Variants in RAB40C observed in about 807,000 individuals in gnomAD.
RAB40C encodes ras-related protein Rab-40C.
A neutral mutation model predicts 28.1 loss-of-function variants in RAB40C; 8 were observed. That is an observed-to-expected ratio of 0.28 (90% CI 0.17 to 0.51). The LOEUF (loss-of-function observed/expected upper bound fraction) is 0.51, where lower values mean the gene tolerates loss of function less well. RAB40C is among the 20% of genes least tolerant of loss of function. The probability of loss-of-function intolerance (pLI) is 0.97; values close to 1 mark genes in which losing one functional copy is unlikely to be tolerated. For missense variants in RAB40C, 288 were observed against 405.9 expected, an observed-to-expected ratio of 0.71 and a Z score of 2.50; for synonymous variants, 201 against 171.7, an observed-to-expected ratio of 1.17 and a Z score of -1.34.
chr16:602,187 C>T (rs925158509), intron 1 of RAB40C, among the ~76,000 whole-genome samples: 7 of 150,464 alleles, frequency 4.7e-5, no homozygotes, highest in South Asian at 2.1e-4. Context: ...TGCTTGATAT[C>T]TTAAGTATGT....
At chr16:590,636 G>C (rs1315859254) in intron 1 of RAB40C, among the ~76,000 whole-genome samples, 1 of 152,246 alleles carries the variant, frequency 6.6e-6, no homozygotes, top group Non-Finnish European at 1.5e-5. Flanking sequence ...CAGGAGGACG[G>C]ACCAGAGGGA....
At chr16:607,703 A>G (rs923402629) in intron 1 of RAB40C, among the ~76,000 whole-genome samples, 10 of 152,184 alleles carry the variant, frequency 6.6e-5, no homozygotes, top group Non-Finnish European at 1.3e-4. Flanking sequence ...AGGCAGGAGA[A>G]TGGCATGAAC....
intron 3 of RAB40C, 77 bp downstream of exon 3, chr16:618,337 C>T (rs769358797): frequency 6.1e-5 from 85 of 1,384,040 alleles, no homozygotes; most frequent in Non-Finnish European, 7.9e-5. Flanking sequence ...AGTTGTTGTC[C>T]TGTCAAACTC....
intron 1 of RAB40C, among the ~76,000 whole-genome samples, chr16:599,160 C>T (rs564485967): frequency 6.6e-6 from 1 of 152,362 alleles, no homozygotes; most frequent in East Asian, 1.9e-4. Context: ...TCCAGAAAGT[C>T]ACTGCTGCAG....
At chr16:599,141 G>A (rs1284768511) in intron 1 of RAB40C, among the ~76,000 whole-genome samples, 1 of 152,252 alleles carries the variant, frequency 6.6e-6, no homozygotes, top group East Asian at 1.9e-4. Flanking sequence ...CCGAGGTGCT[G>A]TGTTTCGGTC....
At position 601,346 on chromosome 16, in the gene RAB40C, C is replaced by CAT. The variant is rs778861706; in HGVS notation, c.142+10914_142+10915dup. Among the ~76,000 whole-genome samples the CAT allele has an allele frequency of 3.9e-5, 6 of 152,158 alleles. No homozygotes were observed. The East Asian group carries it at 1.2e-3, about 29-fold the overall frequency. ...TGTGTCCAGCCTGTTAGAGGTGTTA[C>CAT]ATTTGCCCTAGGTGGGCTGGGCAGA... is the stretch of plus-strand genomic sequence containing the variant. On this transcript the variant is annotated intron_variant, in intron 1 of 5. Transcript: ENST00000248139.
intron 3 of RAB40C, chr16:624,154 CA>C (rs2036778459): frequency 1.0e-6 from 1 of 985,346 alleles, no homozygotes; most frequent in East Asian, 1.1e-4. Context: ...CTGTGACACA[CA>C]TCCTCAGTTA....
intron 3 of RAB40C, among the ~76,000 whole-genome samples, chr16:621,457 T>C (rs1029011137): frequency 6.6e-6 from 1 of 152,214 alleles, no homozygotes; most frequent in African/African-American, 2.4e-5. Context: ...GCCTGGGTCT[T>C]GCAGATGGCA....
At chr16:622,793 G>A (rs1287413609) in intron 3 of RAB40C, among the ~76,000 whole-genome samples, 1 of 152,164 alleles carries the variant, frequency 6.6e-6, no homozygotes, top group Non-Finnish European at 1.5e-5. Flanking sequence ...CGTGAGCCAC[G>A]GCGCCTGGCC....
intron 1 of RAB40C, among the ~76,000 whole-genome samples, chr16:616,197 A>G (rs1459923269): frequency 1.3e-5 from 2 of 150,964 alleles, no homozygotes; most frequent in South Asian, 2.1e-4. Context: ...CGGAGCTTGC[A>G]GTGAGCAGAG....
chr16:595,472 C>T (rs892169906), intron 1 of RAB40C, among the ~76,000 whole-genome samples: 5 of 152,214 alleles, frequency 3.3e-5, no homozygotes, highest in Non-Finnish European at 5.9e-5. Context: ...TCTGCTGCAC[C>T]GCGCACACTA....
chr16:606,708 C>T (rs1365029018), intron 1 of RAB40C, among the ~76,000 whole-genome samples: 2 of 152,242 alleles, frequency 1.3e-5, no homozygotes, highest in East Asian at 1.9e-4. Flanking sequence ...AGGCCGCCTG[C>T]GTTGTTCACG....
upstream of RAB40C, chr16:589,649 C>T (rs886549315): frequency 4.3e-4 from 66 of 151,968 alleles, no homozygotes; most frequent in African/African-American, 1.5e-3. Flanking sequence ...GGGCCGGGGG[C>T]GGGGCGGCCG....
chr16:613,670 T>C (rs1300810103), intron 1 of RAB40C, among the ~76,000 whole-genome samples: 1 of 152,248 alleles, frequency 6.6e-6, no homozygotes, highest in African/African-American at 2.4e-5. Flanking sequence ...TTGCCCTTTT[T>C]TTAAAGTATA....
intron 1 of RAB40C, among the ~76,000 whole-genome samples, chr16:595,513 C>T (rs1370749512): frequency 1.3e-5 from 2 of 152,198 alleles, no homozygotes; most frequent in African/African-American, 2.4e-5. Context: ...CTCAGAGGAC[C>T]GCCTCAGGCC....
At chr16:626,815 G>T (rs951658446) in intron 5 of RAB40C, among the ~76,000 whole-genome samples, 5 of 152,236 alleles carry the variant, frequency 3.3e-5, no homozygotes, top group African/African-American at 1.2e-4. Context: ...ACGCACACCT[G>T]TAGTCCCAGC....
Position 626,795 on chromosome 16 carries a change from G to A in RAB40C, c.566-547G>A, listed in dbSNP as rs547864003. Among the ~76,000 whole-genome samples the A allele has an allele frequency of 1.1e-4, 16 of 152,254 alleles. No homozygotes were observed. In the East Asian group the frequency reaches 1.2e-3, roughly 11 times the overall value. ...TCTACTAAAAATACAAAAATTAACC[G>A]GGCGTGGTGACGCACACCTGTAGTC... On this transcript the variant is annotated intron_variant, in intron 5 of 5. Coordinates refer to ENST00000248139, the MANE Select transcript of RAB40C (RefSeq NM_021168.5).
intron 3 of RAB40C, chr16:624,451 C>G: frequency 2.0e-6 from 2 of 985,484 alleles, no homozygotes; most frequent in Non-Finnish European, 2.4e-6. Flanking sequence ...AGCTGTCGCT[C>G]CATCCTGAGC....
chr16:622,942 A>G (rs2036751917), intron 3 of RAB40C, among the ~76,000 whole-genome samples: 1 of 152,096 alleles, frequency 6.6e-6, no homozygotes, highest in South Asian at 2.1e-4. Flanking sequence ...GCTGCTGGTC[A>G]CCGAGAGTCT....
Sources: allele counts gnomAD v4.1 joint callset (sites outside exome capture counted in the v4.1 genomes callset), GRCh38; gene constraint gnomAD v4.1.1; transcripts MANE v1.5; gene names NCBI Gene and HGNC (gene_info 2026-07-23, HGNC 2026-07-21).